The following EFCAB13 variants were observed in gnomAD, a reference collection of about 807,000 sequenced individuals.
EFCAB13 encodes the protein EF-hand calcium binding domain 13.
EFCAB13 carries 91 observed loss-of-function variants against 110.2 expected under a neutral mutation model. The observed-to-expected ratio is 0.83, with a 90% CI of 0.70 to 0.98. The LOEUF (loss-of-function observed/expected upper bound fraction) is 0.98, where lower values mean the gene tolerates loss of function less well. Among genes scored for constraint, EFCAB13 ranks in the 50% least tolerant of loss-of-function variants. The probability of loss-of-function intolerance (pLI) is 0.00; values close to 1 mark genes in which losing one functional copy is unlikely to be tolerated. For synonymous variants in EFCAB13, 323 were observed against 369.9 expected (o/e 0.87, Z 1.45); for missense variants, 968 against 1,119.4 (o/e 0.86, Z 1.93).
chr17:47,357,082 C>T (rs73324423), intron 9 of EFCAB13, among the ~76,000 whole-genome samples: 2,515 of 152,272 alleles, frequency 0.017, 55 homozygotes, highest in African/African-American at 0.054. Context: ...ACTCCCACTG[C>T]GCTTCACCTG....
In EFCAB13 at chr17:47,440,714, G is replaced by A. The variant is rs757332473; in HGVS notation, c.2922G>A (p.Ter974=). Reference sequence around the variant, plus strand: ...AGCTTAACCCAAACTCAAAATTTTAGGTAGTCTTACTTGATAGTGCTAGAA... The same window carrying A: ...AGCTTAACCCAAACTCAAAATTTTAAGTAGTCTTACTTGATAGTGCTAGAA... ...IAKLNPNSKF[*] The change falls in exon 25 of 25, where the codon TAG becomes TAA. Residue 974 remains the stop codon, a stop_retained_variant. Transcript: ENST00000331493. 4 of 1,552,660 alleles carry A rather than the reference G, an allele frequency of 2.6e-6. No homozygotes were observed. In the East Asian group the frequency reaches 9.1e-5, roughly 35 times the overall value.
At chr17:47,390,074 T>A (rs1298157109) in intron 14 of EFCAB13, among the ~76,000 whole-genome samples, 4 of 152,202 alleles carry the variant, frequency 2.6e-5, no homozygotes, top group Non-Finnish European at 5.9e-5. Flanking sequence ...AGTGACTACT[T>A]AAAGTTTATA....
intron 21 of EFCAB13, 41 bp from the exon 22 acceptor site, chr17:47,412,732 T>A (rs1014388086): frequency 2.6e-6 from 4 of 1,529,758 alleles, no homozygotes; most frequent in African/African-American, 2.8e-5. Flanking sequence ...ATTTTGAATG[T>A]TTTTTACACC....
In EFCAB13 at chr17:47,402,164, A is replaced by G. The variant is rs541023438; in HGVS notation, c.1978A>G (p.Lys660Glu). Reference sequence around the variant, plus strand: ...CAAAGTACAATTTGAAGAATTTGCAAAAGTAGTAAGGAATATGCGTGATGC... The same window carrying G: ...CAAAGTACAATTTGAAGAATTTGCAGAAGTAGTAAGGAATATGCGTGATGC... ...GDKVQFEEFA[K>E]VVRNMRDAAR... Residue 660 changes from lysine to glutamate, a missense_variant, in exon 18 of 25, where the codon AAA (lysine) becomes GAA (glutamate). Transcript: ENST00000331493. 3.1e-6 allele frequency: 5 copies of G among 1,613,992 alleles called. No individual in the cohort carries two copies. The South Asian group carries it at 3.3e-5, about 11-fold the overall frequency.
chr17:47,420,354 C>T (rs1904609729), intron 23 of EFCAB13, among the ~76,000 whole-genome samples: 1 of 152,304 alleles, frequency 6.6e-6, no homozygotes, highest in African/African-American at 2.4e-5. Flanking sequence ...ATTGCAGCCT[C>T]TGCCCAGCCG....
intron 10 of EFCAB13, among the ~76,000 whole-genome samples, chr17:47,366,852 G>A (rs1284033530): frequency 1.3e-5 from 2 of 152,200 alleles, no homozygotes; most frequent in East Asian, 3.8e-4. Flanking sequence ...GAACATGGTT[G>A]ACTACCATAC....
At chr17:47,356,004 A>G (rs547998699) in intron 9 of EFCAB13, among the ~76,000 whole-genome samples, 1 of 151,916 alleles carries the variant, frequency 6.6e-6, no homozygotes, top group Non-Finnish European at 1.5e-5. Context: ...ACTTTCCAGC[A>G]CATTTTGCGT....
At chr17:47,411,838 T>A (rs1302622324) in intron 21 of EFCAB13, among the ~76,000 whole-genome samples, 2 of 152,228 alleles carry the variant, frequency 1.3e-5, no homozygotes, top group Non-Finnish European at 2.9e-5. Context: ...ATGCCTGTAA[T>A]CTCAGCACTT....
intron 9 of EFCAB13, among the ~76,000 whole-genome samples, chr17:47,353,555 C>G (rs1023099676): frequency 3.3e-5 from 5 of 152,096 alleles, no homozygotes; most frequent in Non-Finnish European, 4.4e-5. Flanking sequence ...CTTGGTCTCC[C>G]AAAGTGTTGG....
chr17:47,391,112 T>C (rs2065705042), intron 14 of EFCAB13, among the ~76,000 whole-genome samples: 1 of 152,094 alleles, frequency 6.6e-6, no homozygotes. Context: ...GCTAATTTTT[T>C]ATTTTTTTGT....
intron 3 of EFCAB13, among the ~76,000 whole-genome samples, chr17:47,326,676 C>T (rs1295379641): frequency 6.6e-6 from 1 of 151,592 alleles, no homozygotes; most frequent in African/African-American, 2.4e-5. Flanking sequence ...GCAGTAAGTG[C>T]TATGCACAGT....
At chr17:47,349,364 ATAGT>A (rs1403274090) in intron 9 of EFCAB13, among the ~76,000 whole-genome samples, 2 of 152,220 alleles carry the variant, frequency 1.3e-5, no homozygotes, top group African/African-American at 2.4e-5. Flanking sequence ...AGATGAATTC[ATAGT>A]TATTTAACTT....
At chr17:47,410,365 C>A (rs2143464260) in intron 21 of EFCAB13, among the ~76,000 whole-genome samples, 1 of 152,294 alleles carries the variant, frequency 6.6e-6, no homozygotes, top group South Asian at 2.1e-4. Flanking sequence ...GACTTAATCA[C>A]CTCTTATTAG....
intron 23 of EFCAB13, among the ~76,000 whole-genome samples, chr17:47,417,469 C>T (rs906449641): frequency 6.6e-6 from 1 of 152,190 alleles, no homozygotes; most frequent in Non-Finnish European, 1.5e-5. Flanking sequence ...TAAGTCAAAG[C>T]AGTCATGAAT....
chr17:47,375,023 A>C, intron 12 of EFCAB13, 57 bp downstream of exon 12: 1 of 1,479,962 alleles, frequency 6.8e-7, no homozygotes, highest in Non-Finnish European at 9.0e-7. Flanking sequence ...GAACAGAATG[A>C]ATCAATTATT....
rs1220181856 is a variant in EFCAB13 at position 47,395,924 on chromosome 17, G to A, written c.1892G>A (p.Ser631Asn). The A allele has an allele frequency of 6.2e-7, 1 of 1,609,434 alleles. No homozygotes were observed. The highest frequency in any genetic ancestry group is 1.1e-5 in the South Asian group (1 of 90,396). The change falls in exon 17 of 25, where the codon AGT (serine) becomes AAT (asparagine). Residue 631 changes from serine (S) to asparagine (N), a missense_variant. Physicochemically the swap from Ser to Asn is conservative, Grantham distance 46 (BLOSUM62 1). Coordinates refer to ENST00000331493, the MANE Select transcript of EFCAB13 (RefSeq NM_152347.5). ...DLWNTLSSLN[S>N]NLKKDEFLAA... ...TGGAATACTCTGTCTAGTTTGAATA[G>A]TAATTTAAAAAAGGATGAATTTCTA...
At chr17:47,386,128 G>A (rs2065674568) in intron 14 of EFCAB13, among the ~76,000 whole-genome samples, 1 of 152,208 alleles carries the variant, frequency 6.6e-6, no homozygotes, top group Non-Finnish European at 1.5e-5. Flanking sequence ...TGAGGAGGCA[G>A]TCTGTCCCTT....
intron 10 of EFCAB13, among the ~76,000 whole-genome samples, chr17:47,366,786 T>G (rs2065549074): frequency 6.6e-6 from 1 of 152,186 alleles, no homozygotes; most frequent in South Asian, 2.1e-4. Context: ...TCATAATAGG[T>G]GTTTATTATT....
intron 14 of EFCAB13, among the ~76,000 whole-genome samples, chr17:47,382,897 T>C (rs2065655036): frequency 6.6e-6 from 1 of 152,226 alleles, no homozygotes; most frequent in African/African-American, 2.4e-5. Flanking sequence ...AATTTAACTC[T>C]GAATCCATCT....
Sources: gnomAD v4.1 joint callset for allele counts (sites outside exome capture counted in the v4.1 genomes callset) on GRCh38, gnomAD v4.1.1 for gene constraint, MANE v1.5 for transcripts, NCBI Gene and HGNC (gene_info 2026-07-23, HGNC 2026-07-21) for gene names.